The following TASP1 variants were observed in gnomAD, a reference collection of about 807,000 sequenced individuals.
TASP1 encodes the protein threonine aspartase 1.
In TASP1, 16 loss-of-function variants were observed where a neutral mutation model predicts 56.6. The ratio of observed to expected loss-of-function variants is 0.28; its 90% CI spans 0.19 to 0.43. The LOEUF (loss-of-function observed/expected upper bound fraction) is 0.43, where lower values mean the gene tolerates loss of function less well. Ranked by LOEUF, TASP1 falls within the 20% of genes least tolerant of loss-of-function variation. The probability of loss-of-function intolerance (pLI) is 1.00; values close to 1 mark genes in which losing one functional copy is unlikely to be tolerated. For synonymous variants in TASP1, 179 were observed against 184.2 expected (o/e 0.97, Z 0.23); for missense variants, 393 against 511.6 (o/e 0.77, Z 2.24).
At chr20:13,459,954 C>A (rs550905683) in intron 11 of TASP1, among the ~76,000 whole-genome samples, 2 of 152,166 alleles carry the variant, frequency 1.3e-5, no homozygotes, top group Non-Finnish European at 2.9e-5. Flanking sequence ...GAAAAACATA[C>A]ACATTTGTCT....
chr20:13,198,139 A>G, the TASP1 span, among the ~76,000 whole-genome samples: 15 of 152,290 alleles, frequency 9.8e-5, no homozygotes, highest in Admixed American at 2.0e-4. Flanking sequence ...AATGTTTTGG[A>G]ATATCTAGAT....
At chr20:13,265,254 C>T in the TASP1 span, among the ~76,000 whole-genome samples, 2 of 152,160 alleles carry the variant, frequency 1.3e-5, no homozygotes, top group African/African-American at 4.8e-5. Flanking sequence ...ATCTGCTGTA[C>T]GTTTACAAGC....
At chr20:13,580,074 C>T (rs762390709) in intron 6 of TASP1, among the ~76,000 whole-genome samples, 3 of 152,152 alleles carry the variant, frequency 2.0e-5, no homozygotes, top group Admixed American at 6.5e-5. Context: ...GCTAACAGTA[C>T]GGTGGCTATG....
the TASP1 span, chr20:13,117,533 C>T: frequency 6.2e-7 from 1 of 1,606,220 alleles, no homozygotes; most frequent in Non-Finnish European, 8.5e-7. Context: ...TGCATCTGCC[C>T]CAGATCATAG....
At chr20:13,427,972 C>A (rs115871697) in intron 12 of TASP1, among the ~76,000 whole-genome samples, 1 of 152,072 alleles carries the variant, frequency 6.6e-6, no homozygotes, top group African/African-American at 2.4e-5. Flanking sequence ...GTGTGCTCAT[C>A]GCATAATCAG....
Position 13,590,693 on chromosome 20 carries a change from C to T in TASP1, c.283-3323G>A, listed in dbSNP as rs146192702. Among the ~76,000 whole-genome samples, 149 of 151,944 alleles carry T rather than the reference C, an allele frequency of 9.8e-4. 1 individual carries two copies. The East Asian group carries it at 0.017, about 18-fold the overall frequency. ...CCAGCCTGGCCAACATGGTGAAACC[C>T]CATCTCTACTAAAAATACAAAAATT... On this transcript the variant is annotated intron_variant, in intron 4 of 13. Transcript: ENST00000337743.
At chr20:13,575,465 T>C (rs1601307421) in intron 6 of TASP1, among the ~76,000 whole-genome samples, 1 of 152,288 alleles carries the variant, frequency 6.6e-6, no homozygotes, top group Non-Finnish European at 1.5e-5. Context: ...TAAAGGGTAG[T>C]TCCTCTGCAC....
At chr20:13,273,182 T>G in the TASP1 span, among the ~76,000 whole-genome samples, 1 of 151,756 alleles carries the variant, frequency 6.6e-6, no homozygotes, top group Non-Finnish European at 1.5e-5. Flanking sequence ...TGTCTGAAAA[T>G]TCCCATTCCC....
the TASP1 span, among the ~76,000 whole-genome samples, chr20:13,221,210 A>C: frequency 1.7e-5 from 2 of 118,198 alleles, no homozygotes; most frequent in Non-Finnish European, 1.8e-5. Flanking sequence ...CCGCAGCTGA[A>C]GCCCTCCTAC....
intron 13 of TASP1, among the ~76,000 whole-genome samples, chr20:13,398,463 C>T (rs540969676): frequency 2.2e-4 from 34 of 152,180 alleles, no homozygotes; most frequent in East Asian, 1.4e-3. Flanking sequence ...TAGAGCCAGA[C>T]AGGCACATGA....
At chr20:13,451,499 C>T (rs2043616317) in intron 11 of TASP1, among the ~76,000 whole-genome samples, 1 of 152,082 alleles carries the variant, frequency 6.6e-6, no homozygotes, top group African/African-American at 2.4e-5. Context: ...TCCATAAGGA[C>T]TTGTTGCTTC....
At chr20:13,203,612 CAATT>C in the TASP1 span, among the ~76,000 whole-genome samples, 1 of 151,878 alleles carries the variant, frequency 6.6e-6, no homozygotes, top group Non-Finnish European at 1.5e-5. Flanking sequence ...TTCGGAAAAG[CAATT>C]AATTAGTTTG....
the TASP1 span, among the ~76,000 whole-genome samples, chr20:13,350,219 A>G: frequency 6.6e-6 from 1 of 151,896 alleles, no homozygotes; most frequent in African/African-American, 2.4e-5. Flanking sequence ...AAACTCCAAA[A>G]ACTAATGAAA....
intron 4 of TASP1, among the ~76,000 whole-genome samples, chr20:13,605,220 GA>G (rs1308838181): frequency 2.6e-5 from 4 of 151,922 alleles, no homozygotes; most frequent in Non-Finnish European, 5.9e-5. Context: ...GGAAATTTGA[GA>G]GTAATGGAAA....
chr20:13,194,240 A>T, the TASP1 span, among the ~76,000 whole-genome samples: 1 of 152,182 alleles, frequency 6.6e-6, no homozygotes, highest in Non-Finnish European at 1.5e-5. Flanking sequence ...TCTGAGCTAT[A>T]TCTGGAGTAT....
intron 11 of TASP1, among the ~76,000 whole-genome samples, chr20:13,466,864 T>C (rs1442599206): frequency 4.6e-5 from 7 of 152,254 alleles, no homozygotes; most frequent in Non-Finnish European, 8.8e-5. Context: ...GCAGCTCACA[T>C]GTGTACAGAA....
chr20:13,238,510 C>T, the TASP1 span, among the ~76,000 whole-genome samples: 1 of 152,156 alleles, frequency 6.6e-6, no homozygotes, highest in Non-Finnish European at 1.5e-5. Flanking sequence ...CCAATACCCA[C>T]ATGGACATCA....
rs1246920761 is a variant in TASP1 at position 13,421,953 on chromosome 20, C to CTTATTTTTTTTT, written c.1097-4433_1097-4432insAAAAAAAAATAA. Among the ~76,000 whole-genome samples the CTTATTTTTTTTT allele has an allele frequency of 3.5e-3, 486 of 138,984 alleles. 13 individuals carry two copies. Among genetic ancestry groups the CTTATTTTTTTTT allele is most frequent in the African/African-American group, 0.012 (446 of 36,868 alleles). 91.2% of individuals were successfully genotyped at this position (138,984 alleles called of 152,430 possible). On this transcript the variant is annotated intron_variant, in intron 12 of 13. Transcript: ENST00000337743. ...TATTTTATATGTGTTTCTGTTTAAC[C>CTTATTTTTTTTT]TTTTTTTTTTTTTTTTTTGACAGAG...
chr20:13,385,389 T>C (rs1600645865), downstream of TASP1, among the ~76,000 whole-genome samples: 1 of 152,240 alleles, frequency 6.6e-6, no homozygotes, highest in South Asian at 2.1e-4. Context: ...ACTGACTTAG[T>C]TGCGAACTTC....
Sources: gnomAD v4.1 joint callset for allele counts (sites outside exome capture counted in the v4.1 genomes callset) on GRCh38, gnomAD v4.1.1 for gene constraint, MANE v1.5 for transcripts, NCBI Gene and HGNC (gene_info 2026-07-23, HGNC 2026-07-21) for gene names.